The following PC variants were observed in gnomAD, a reference collection of about 807,000 sequenced individuals.
PC encodes pyruvate carboxylase, mitochondrial.
PC carries 46 observed loss-of-function variants against 107.8 expected under a neutral mutation model. The ratio of observed to expected loss-of-function variants is 0.43; its 90% confidence interval spans 0.34 to 0.55. The LOEUF (loss-of-function observed/expected upper bound fraction) is 0.55, where lower values mean the gene tolerates loss of function less well. Among genes scored for constraint, PC ranks in the 20% least tolerant of loss-of-function variants. The pLI is 0.04. For missense variants in PC, 1,241 were observed against 1,643.1 expected, an observed-to-expected ratio of 0.76 and a Z score of 4.23; for synonymous variants, 662 against 684.7, an observed-to-expected ratio of 0.97 and a Z score of 0.52.
chr11:66,912,004 GC>G (rs1283431064), intron 3 of PC, among the ~76,000 whole-genome samples: 1 of 151,602 alleles, frequency 6.6e-6, no homozygotes, highest in African/African-American at 2.4e-5. Flanking sequence ...TTGCACTCCA[GC>G]CTGGGCAACA....
In PC at chr11:66,858,767, CGGCGCTGGG is replaced by C. The variant is rs1565226134; in HGVS notation, c.1368+4998_1368+5006del. ...ACGGGACCTTAGAGATTGGGGTGAC[CGGCGCTGGG>C]GACGCTGGGGGCTACACCTGCATCG... On this transcript the variant is annotated intron_variant, in intron 12 of 22. Coordinates refer to ENST00000393960, the MANE Select transcript of PC (RefSeq NM_001040716.2). The surrounding 1 kb of genome is among the most constrained non-coding windows in gnomAD (Gnocchi z 5.9). 6.4e-7 allele frequency: 1 copy of C among 1,551,226 alleles called. No individual in the cohort carries two copies. Among genetic ancestry groups the C allele is most frequent in the East Asian group, 2.4e-5 (1 of 41,236 alleles).
At chr11:66,895,019 G>A (rs542545459) in intron 3 of PC, among the ~76,000 whole-genome samples, 53 of 128,922 alleles carry the variant, frequency 4.1e-4, no homozygotes, top group Admixed American at 1.7e-3. Flanking sequence ...TTAAAACTCC[G>A]TCTCAGGAAA....
At chr11:66,945,947 G>A (rs560097842) in intron 3 of PC, among the ~76,000 whole-genome samples, 9 of 150,950 alleles carry the variant, frequency 6.0e-5, no homozygotes, top group East Asian at 5.9e-4. Context: ...TTAGCAGGGC[G>A]CGGTGGCGGG....
Position 66,859,771 on chromosome 11 carries a change from C to A in PC, c.1368+4003G>T. ...ACGGCCACCAGGCTGCTGGGCTGTG[C>A]CCATTTCTCCACGCTGCCGGCCTCG... On this transcript the variant is annotated intron_variant, in intron 12 of 22. Transcript: ENST00000393960. 1 of 1,605,684 alleles carries A rather than the reference C, an allele frequency of 6.2e-7. No individual in the cohort carries two copies. Among genetic ancestry groups the A allele is most frequent in the South Asian group, 1.1e-5 (1 of 89,930 alleles).
At chr11:66,851,424 C>T (rs559302992) in intron 16 of PC, 144 bp from the exon 17 acceptor site, 55 of 1,241,904 alleles carry the variant, frequency 4.4e-5, no homozygotes, top group Non-Finnish European at 5.1e-5. Context: ...CATCCACAGG[C>T]GGGGGGTGGC....
intron 3 of PC, among the ~76,000 whole-genome samples, chr11:66,913,573 A>T (rs149487158): frequency 1.4e-3 from 214 of 151,678 alleles, no homozygotes; most frequent in African/African-American, 5.1e-3. Context: ...GAGGCAGGAG[A>T]ATCTCTTGAA....
chr11:66,848,888 C>A lies in PC; in HGVS notation c.*11G>T, dbSNP rs1200101358. On this transcript the variant is annotated 3_prime_UTR_variant, in exon 23 of 23. Transcript: ENST00000393960. ...GCTTGGGGATGGCCAGGCTGCCGGT[C>A]TGGGGCAAGATCACTCGATCTCCAG... 1 of 1,613,670 alleles carries A rather than the reference C, an allele frequency of 6.2e-7. No homozygotes were observed. The highest frequency in any genetic ancestry group is 1.7e-5 in the Admixed American group (1 of 60,034).
rs1460214730 is a variant in PC, at chr11:66,943,494, T to G, written c.-1+8936A>C. Among the ~76,000 whole-genome samples, 3 of 151,758 alleles carry G rather than the reference T, an allele frequency of 2.0e-5. No homozygotes were observed. The East Asian group carries it at 5.8e-4, about 29-fold the overall frequency. Reference sequence around the variant, plus strand: ...TGGCTCACGCCTGTAATCCCAACACTTTGGGAGGCCGAGGCCCGGATCATG... The same window carrying G: ...TGGCTCACGCCTGTAATCCCAACACGTTGGGAGGCCGAGGCCCGGATCATG... On this transcript the variant is annotated intron_variant, in intron 3 of 22. Coordinates refer to ENST00000393960, the MANE Select transcript of PC (RefSeq NM_001040716.2).
rs1331427737 is a variant in PC, at chr11:66,924,978, G to A, written c.-1+27452C>T. Among the ~76,000 whole-genome samples the A allele has an allele frequency of 2.0e-5, 3 of 152,042 alleles. No homozygotes were observed. In the East Asian group the frequency reaches 5.8e-4, roughly 29 times the overall value. ...CAGGGGAGACATCACATGTTGGCAG[G>A]TTCCGTGATGCCCCCCAGCCATAAA... is the stretch of plus-strand genomic sequence containing the variant. On this transcript the variant is annotated intron_variant, in intron 3 of 22. Coordinates refer to ENST00000393960, the MANE Select transcript of PC (RefSeq NM_001040716.2).
intron 3 of PC, among the ~76,000 whole-genome samples, chr11:66,905,482 G>A (rs1299099284): frequency 6.6e-6 from 1 of 152,174 alleles, no homozygotes; most frequent in African/African-American, 2.4e-5. Flanking sequence ...GTTACCTAGA[G>A]GAACTAAGTT....
chr11:66,935,292 G>A (rs986425130), intron 3 of PC, among the ~76,000 whole-genome samples: 5 of 152,210 alleles, frequency 3.3e-5, no homozygotes, highest in African/African-American at 1.2e-4. Flanking sequence ...AAGTATAAAT[G>A]GACAGAAAGA....
chr11:66,943,177 T>C (rs1227284097), intron 3 of PC, among the ~76,000 whole-genome samples: 1 of 151,962 alleles, frequency 6.6e-6, no homozygotes, highest in East Asian at 1.9e-4. Context: ...TGAGTAGGAT[T>C]AGCATCCTAA....
Position 66,851,033 on chromosome 11 carries a change from C to T in PC, c.2223+7G>A. On this transcript the variant is annotated splice_region_variant and intron_variant, in intron 17 of 22. Transcript: ENST00000393960. ...GAGAGGGAGGGACGGACAAGTGGCC[C>T]AGGCACCTTGATGCACAGGATGTGG... 1.2e-6 allele frequency: 2 copies of T among 1,612,568 alleles called. No homozygotes were observed. The highest frequency in any genetic ancestry group is 2.2e-5 in the South Asian group (2 of 91,082).
At chr11:66,879,802 C>CG (rs531811889) in intron 3 of PC, among the ~76,000 whole-genome samples, 13 of 152,108 alleles carry the variant, frequency 8.5e-5, no homozygotes, top group Admixed American at 3.9e-4. Context: ...CAGTCAGAGA[C>CG]GGGAGGGCAG....
chr11:66,946,728 G>A (rs183866817), intron 3 of PC, among the ~76,000 whole-genome samples: 3 of 152,240 alleles, frequency 2.0e-5, no homozygotes, highest in African/African-American at 4.8e-5. Context: ...GGTCGAGGCT[G>A]CAGTGAGCCA....
At position 66,848,750 on chromosome 11, in the gene PC, C is replaced by A. The variant is rs181412804; in HGVS notation, c.*149G>T. 1 of 910,552 alleles carries A rather than the reference C, an allele frequency of 1.1e-6. No homozygotes were observed. Among genetic ancestry groups the A allele is most frequent in the Non-Finnish European group, 1.7e-6 (1 of 575,634 alleles). 56.4% of individuals were successfully genotyped at this position (910,552 alleles called of 1,614,324 possible). A position where few individuals can be genotyped will look rare whatever the true frequency, so the allele number is the denominator to read the frequency against. Reference sequence around the variant, plus strand: ...ACGATGGCTGAAAGGAATGAACCACCGCAGGCGGTGTCTCTCCTGTCCAGC... The same window carrying A: ...ACGATGGCTGAAAGGAATGAACCACAGCAGGCGGTGTCTCTCCTGTCCAGC... On this transcript the variant is annotated 3_prime_UTR_variant, in exon 23 of 23. Transcript: ENST00000393960.
intron 3 of PC, among the ~76,000 whole-genome samples, chr11:66,926,061 A>C (rs1948708578): frequency 6.6e-6 from 1 of 152,222 alleles, no homozygotes; most frequent in Non-Finnish European, 1.5e-5. Flanking sequence ...TGGCAAAAAG[A>C]TAAGAAGCAT....
intron 12 of PC, among the ~76,000 whole-genome samples, chr11:66,861,710 A>T (rs752975966): frequency 2.6e-5 from 4 of 152,284 alleles, no homozygotes; most frequent in Non-Finnish European, 5.9e-5. Context: ...CGCTAGCATG[A>T]GGCTCAGGAG....
At chr11:66,939,553 C>A (rs1375224004) in intron 3 of PC, among the ~76,000 whole-genome samples, 2 of 151,968 alleles carry the variant, frequency 1.3e-5, no homozygotes, top group Non-Finnish European at 2.9e-5. Context: ...GCCTGTAATC[C>A]TAATACTTTG....
Sources: allele counts gnomAD v4.1 joint callset (sites outside exome capture counted in the v4.1 genomes callset), GRCh38; gene constraint gnomAD v4.1.1; non-coding constraint Gnocchi (gnomAD v3.1); transcripts MANE v1.5; gene names NCBI Gene and HGNC (gene_info 2026-07-23, HGNC 2026-07-21).